EPAS1: variants seen among roughly 807,000 people sequenced by gnomAD.
EPAS1 encodes endothelial PAS domain-containing protein 1.
A neutral mutation model predicts 87.9 loss-of-function variants in EPAS1; 23 were observed. That is an observed-to-expected ratio of 0.26 (90% confidence interval 0.19 to 0.37). The LOEUF is 0.37. EPAS1 is among the 10% of genes least tolerant of loss of function. The pLI, the probability that EPAS1 is intolerant of heterozygous loss-of-function variation, is 1.00. For missense variants in EPAS1, 1,138 were observed against 1,120.7 expected, an observed-to-expected ratio of 1.02 and a Z score of -0.22; for synonymous variants, 508 against 444.3, an observed-to-expected ratio of 1.14 and a Z score of -1.80.
chr2:46,304,205 G>T (rs1314876000), intron 1 of EPAS1, among the ~76,000 whole-genome samples: 1 of 152,170 alleles, frequency 6.6e-6, no homozygotes, highest in Non-Finnish European at 1.5e-5. Flanking sequence ...ATTTGTGCCA[G>T]TGCCGTCCTC....
intron 1 of EPAS1, among the ~76,000 whole-genome samples, chr2:46,343,381 GA>G (rs1257001387): frequency 6.6e-6 from 1 of 152,210 alleles, no homozygotes; most frequent in Admixed American, 6.5e-5. Flanking sequence ...CAGGTTGTGG[GA>G]AAGTATCAAC....
chr2:46,332,288 ATACGTG>A (rs1187652202), intron 1 of EPAS1, among the ~76,000 whole-genome samples: 2 of 115,002 alleles, frequency 1.7e-5, no homozygotes, highest in Non-Finnish European at 3.7e-5. Context: ...AAAAAAAAAA[ATACGTG>A]TGTGTGTGTG....
At position 46,297,607 on chromosome 2, in the gene EPAS1, GA is replaced by G; in HGVS notation, c.-300del. The G allele has an allele frequency of 3.3e-5, 14 of 430,398 alleles. No individual in the cohort carries two copies. Among genetic ancestry groups the G allele is most frequent in the East Asian group, 4.8e-5 (1 of 20,986 alleles). 26.7% of individuals were successfully genotyped at this position (430,398 alleles called of 1,614,324 possible). A position where few individuals can be genotyped will look rare whatever the true frequency, so the allele number is the denominator to read the frequency against. On this transcript the variant is annotated 5_prime_UTR_variant, in exon 1 of 16. The change abolishes the stop of an existing upstream ORF in the 5' untranslated region. Transcript: ENST00000263734. Reference sequence around the variant, plus strand: ...TCAGAAAAGTGACTCCTTTTCCAGGGAAAAAGGAACTTGGGTTCCCTTCTCT... The same window carrying G: ...TCAGAAAAGTGACTCCTTTTCCAGGGAAAAGGAACTTGGGTTCCCTTCTCT...
In EPAS1 at chr2:46,297,923, C is replaced by A. The variant is rs775997195; in HGVS notation, c.12C>A (p.Asp4Glu). MTADKEKKRSSSER... is the reference protein window; with the variant it reads MTAEKEKKRSSSER... ...GGGCCACAGCGACAATGACAGCTGA[C>A]AAGGAGAAGAAAAGGTAAGCGGGCG... Residue 4 changes from aspartate to glutamate, a missense_variant, in exon 1 of 16, where the codon GAC (aspartate) becomes GAA (glutamate). By Grantham distance (45) the Asp-to-Glu change is conservative (BLOSUM62 2). Around this residue, in one of 4 missense-constraint regions of EPAS1, gnomAD observed 351 missense variants for 417.1 expected, o/e 0.84. Transcript: ENST00000263734. 6.2e-7 allele frequency: 1 copy of A among 1,612,694 alleles called. No individual in the cohort carries two copies. The highest frequency in any genetic ancestry group is 8.5e-7 in the Non-Finnish European group (1 of 1,179,358).
intron 1 of EPAS1, among the ~76,000 whole-genome samples, chr2:46,308,498 A>C (rs1683152153): frequency 6.9e-6 from 1 of 145,862 alleles, no homozygotes; most frequent in Non-Finnish European, 1.5e-5. Flanking sequence ...AGTTTTTTAA[A>C]AAAAATAATA....
chr2:46,315,248 GAC>G (rs1174569620), intron 1 of EPAS1, among the ~76,000 whole-genome samples: 14 of 152,180 alleles, frequency 9.2e-5, no homozygotes, highest in African/African-American at 3.4e-4. Flanking sequence ...CTCACTCTGA[GAC>G]AGTGAGAACG....
rs1175224552 is a variant in EPAS1, at chr2:46,297,669, T to A, written c.-243T>A. On this transcript the variant is annotated 5_prime_UTR_variant, in exon 1 of 16. Transcript: ENST00000263734. ...TTCGGGTCTGACAGCCTCCACCCAC[T>A]CCTTCCCCGGACCCCGCCTCCGCGC... 1 of 552,454 alleles carries A rather than the reference T, an allele frequency of 1.8e-6. No homozygotes were observed. Among genetic ancestry groups the A allele is most frequent in the East Asian group, 3.2e-5 (1 of 31,000 alleles). The allele number at this position is 552,454 out of a possible 1,614,324, so 34.2% of individuals were successfully genotyped here. A position where few individuals can be genotyped will look rare whatever the true frequency, so the allele number is the denominator to read the frequency against.
Position 46,380,463 on chromosome 2 carries a change from A to G in EPAS1, c.1791A>G (p.Thr597=), listed in dbSNP as rs1451012032. The change falls in exon 12 of 16, where the codon ACA becomes ACG. Residue 597 remains threonine (T), a synonymous_variant. Transcript: ENST00000263734. The surrounding 1 kb of genome is among the most constrained non-coding windows in gnomAD (Gnocchi z 4.4). ...KFQQQLESKK[T]EPEHRPMSSI... ...AGCAGCAGCTGGAGAGCAAGAAGACAGAGCCCGAGCACCGGCCCATGTCCT... is the reference window on the plus strand; with the variant it reads ...AGCAGCAGCTGGAGAGCAAGAAGACGGAGCCCGAGCACCGGCCCATGTCCT... 1.2e-6 allele frequency: 2 copies of G among 1,614,156 alleles called. No homozygotes were observed. The highest frequency in any genetic ancestry group is 1.7e-6 in the Non-Finnish European group (2 of 1,180,022).
rs563500180 is a variant in EPAS1 at position 46,377,820 on chromosome 2, T to G, written c.1250-74T>G. 1.4e-4 allele frequency: 223 copies of G among 1,550,694 alleles called. 1 individual carries two copies. The African/African-American group carries it at 2.6e-3, about 18-fold the overall frequency. On this transcript the variant is annotated intron_variant, in intron 9 of 15. Transcript: ENST00000263734. ...GACCCTCTTAGGGCCTTCTCTGCGG[T>G]TTTTGGGCCTCCTCTGCCTTGGGGT...
chr2:46,302,165 G>T (rs569371796), intron 1 of EPAS1, among the ~76,000 whole-genome samples: 21 of 142,932 alleles, frequency 1.5e-4, no homozygotes, highest in Admixed American at 4.3e-4. Context: ...TGCGTCGGGG[G>T]GGGGGGCAGT....
chr2:46,315,162 A>C (rs993585824), intron 1 of EPAS1, among the ~76,000 whole-genome samples: 1 of 152,168 alleles, frequency 6.6e-6, no homozygotes, highest in Non-Finnish European at 1.5e-5. Flanking sequence ...ATACATGTAC[A>C]TGAACGTATC....
At position 46,380,598 on chromosome 2, in the gene EPAS1, T is replaced by G; in HGVS notation, c.1926T>G (p.Asp642Glu). ...GATCCAATACCCAGTGGCCCCCAGA[T>G]CCACCATTACATTTTGGGCCCACAA... ...GGRSNTQWPP[D>E]PPLHFGPTKW... is the part of the protein sequence containing the mutation. Residue 642 changes from aspartate to glutamate, a missense_variant, in exon 12 of 16, where the codon GAT becomes GAG. Asp to Glu is a conservative substitution (Grantham distance 45, BLOSUM62 2). Transcript: ENST00000263734. This position sits in a 1 kb window ranked among gnomAD's most constrained non-coding sequence, Gnocchi z 4.4. 1.2e-6 allele frequency: 2 copies of G among 1,614,050 alleles called. No individual in the cohort carries two copies. Among genetic ancestry groups the G allele is most frequent in the Non-Finnish European group, 1.7e-6 (2 of 1,179,996 alleles).
In EPAS1 at chr2:46,375,293, T is replaced by C. The variant is rs1572645820; in HGVS notation, c.887-397T>C. ...ACGGGATGGCGCTCCTTACCCAGTG[T>C]GAAGGGGCTTCTTCTCATTGAACCC... On this transcript the variant is annotated intron_variant, in intron 7 of 15. Coordinates refer to ENST00000263734, the MANE Select transcript of EPAS1 (RefSeq NM_001430.5). The surrounding 1 kb of genome is among the most constrained non-coding windows in gnomAD (Gnocchi z 4.1). Among the ~76,000 whole-genome samples, 1 of 151,850 alleles carries C rather than the reference T, an allele frequency of 6.6e-6. No homozygotes were observed. The highest frequency in any genetic ancestry group is 1.9e-4 in the East Asian group (1 of 5,180).
At chr2:46,369,007 C>T (rs1684565036) in intron 6 of EPAS1, among the ~76,000 whole-genome samples, 1 of 152,144 alleles carries the variant, frequency 6.6e-6, no homozygotes, top group Non-Finnish European at 1.5e-5. Flanking sequence ...TTGCCCTTTC[C>T]TCTGCCCACT....
rs1318931480 is a variant in EPAS1 at position 46,385,345 on chromosome 2, T to C, written c.*685T>C. 7 of 152,572 alleles carry C rather than the reference T, an allele frequency of 4.6e-5. No homozygotes were observed. The East Asian group carries it at 1.2e-3, about 25-fold the overall frequency. The allele number at this position is 152,572 out of a possible 1,614,324, so 9.5% of individuals were successfully genotyped here. A position where few individuals can be genotyped will look rare whatever the true frequency, so the allele number is the denominator to read the frequency against. On this transcript the variant is annotated 3_prime_UTR_variant, in exon 16 of 16. Coordinates refer to ENST00000263734, the MANE Select transcript of EPAS1 (RefSeq NM_001430.5). ...CCCGCATTTGGTGGATTTTTTATTA[T>C]TATTCAAAAACATAACTGAGTTTTT...
chr2:46,383,274 C>G (rs1361906574), intron 15 of EPAS1, among the ~76,000 whole-genome samples: 1 of 152,206 alleles, frequency 6.6e-6, no homozygotes, highest in Non-Finnish European at 1.5e-5. Flanking sequence ...AAACTTCCTT[C>G]AGGTAGAACA....
chr2:46,297,714 C>A lies in EPAS1; in HGVS notation c.-198C>A. ...CCGCGCGCAGGTTCCTCCCAGTCAC[C>A]TTTCTCCACCCCCGCCCCCGCACCT... On this transcript the variant is annotated 5_prime_UTR_variant, in exon 1 of 16. Transcript: ENST00000263734. 1.6e-6 allele frequency: 1 copy of A among 624,604 alleles called. No homozygotes were observed. Among genetic ancestry groups the A allele is most frequent in the South Asian group, 2.0e-5 (1 of 50,562 alleles). 38.7% of individuals were successfully genotyped at this position (624,604 alleles called of 1,614,324 possible).
In EPAS1 at chr2:46,346,953, A is replaced by C; in HGVS notation, c.107A>C (p.Glu36Ala). The change falls in exon 2 of 16, where the codon GAG (glutamate) becomes GCG (alanine). Residue 36 changes from glutamate to alanine, a missense_variant. Physicochemically the swap from Glu to Ala is moderately radical, Grantham distance 107. Coordinates refer to ENST00000263734, the MANE Select transcript of EPAS1 (RefSeq NM_001430.5). This position sits in a 1 kb window ranked among gnomAD's most constrained non-coding sequence, Gnocchi z 4.0. ...RRSKETEVFY[E>A]LAHELPLPHS... The stretch of plus-strand genomic sequence containing the variant: ...AGCAAGGAGACGGAGGTGTTCTATG[A>C]GCTGGCCCATGAGCTGCCTCTGCCC... The C allele has an allele frequency of 1.9e-6, 3 of 1,614,166 alleles. No homozygotes were observed. Among genetic ancestry groups the C allele is most frequent in the Non-Finnish European group, 2.5e-6 (3 of 1,180,020 alleles).
intron 1 of EPAS1, among the ~76,000 whole-genome samples, chr2:46,333,969 C>T (rs1358663814): frequency 2.6e-5 from 4 of 152,042 alleles, no homozygotes; most frequent in African/African-American, 9.7e-5. Context: ...TGTTTTTCAT[C>T]CCATGGGTAA....
Sources: allele counts gnomAD v4.1 joint callset (sites outside exome capture counted in the v4.1 genomes callset), GRCh38; gene constraint gnomAD v4.1.1; regional missense constraint gnomAD v4.1.1; non-coding constraint Gnocchi (gnomAD v3.1); transcripts MANE v1.5; gene names NCBI Gene and HGNC (gene_info 2026-07-23, HGNC 2026-07-21).